DGKK: variants seen among roughly 807,000 people sequenced by gnomAD.
DGKK encodes the protein diacylglycerol kinase kappa.
DGKK carries 35 observed loss-of-function variants against 92.2 expected under a neutral mutation model. The observed-to-expected ratio is 0.38, with a 90% CI of 0.29 to 0.50. The LOEUF (loss-of-function observed/expected upper bound fraction) is 0.50, where lower values mean the gene tolerates loss of function less well. Among genes scored for constraint, DGKK ranks in the 20% least tolerant of loss-of-function variants. DGKK has a pLI of 0.92. For missense variants in DGKK, 910 were observed against 992.2 expected, an observed-to-expected ratio of 0.92 and a Z score of 1.11; for synonymous variants, 368 against 360.6, an observed-to-expected ratio of 1.02 and a Z score of -0.23.
chrX:50,369,550 CTCCCTCCT>C (rs1451169378), intron 27 of DGKK, among the ~76,000 whole-genome samples: 2 of 104,522 alleles, frequency 1.9e-5, no homozygotes, highest in Non-Finnish European at 3.9e-5. Flanking sequence ...CCCTCCCTGC[CTCCCTCCT>C]TCCCTCCTTC....
intron 1 of DGKK, among the ~76,000 whole-genome samples, chrX:50,445,379 G>C (rs1368700700): frequency 9.0e-6 from 1 of 110,734 alleles, no homozygotes; most frequent in Non-Finnish European, 1.9e-5. Flanking sequence ...GAATGGTATT[G>C]CCTAGTTTGT....
In DGKK at chrX:50,378,697, G is replaced by A. The variant is rs782755784; in HGVS notation, c.2863-6C>T. 1.5e-5 allele frequency: 17 copies of A among 1,171,761 alleles called. No individual in the cohort carries two copies. The highest frequency in any genetic ancestry group is 3.7e-5 in the South Asian group (2 of 54,072). ...ATTGCAGGAGCCTCATATTCCTGAG[G>A]AGGAAGAACTGTGTCACATCTCCCA... On this transcript the variant is annotated splice_polypyrimidine_tract_variant and splice_region_variant and intron_variant, in intron 20 of 27. Transcript: ENST00000611977.
At chrX:50,424,953 T>C (rs1925696235) in intron 1 of DGKK, among the ~76,000 whole-genome samples, 1 of 112,221 alleles carries the variant, frequency 8.9e-6, no homozygotes, top group Non-Finnish European at 1.9e-5. Context: ...TTCTGATTAC[T>C]TTCTTTACAT....
At chrX:50,374,747 G>C (rs1370345917) in intron 25 of DGKK, among the ~76,000 whole-genome samples, 4 of 111,204 alleles carry the variant, frequency 3.6e-5, no homozygotes, top group Non-Finnish European at 7.5e-5. Flanking sequence ...TACCAAAGGA[G>C]AGGTTGAGAC....
chrX:50,435,918 T>C (rs1489153904), intron 1 of DGKK, among the ~76,000 whole-genome samples: 1 of 111,635 alleles, frequency 9.0e-6, no homozygotes, highest in Non-Finnish European at 1.9e-5. Context: ...GAGCCCTCAC[T>C]CAATTCCTAA....
intron 4 of DGKK, among the ~76,000 whole-genome samples, chrX:50,412,981 C>T: frequency 9.0e-6 from 1 of 110,879 alleles, no homozygotes; most frequent in East Asian, 2.8e-4. Context: ...ATTAGATTCT[C>T]ATAGGAGTGA....
chrX:50,451,910 T>A (rs1208265533), intron 1 of DGKK, among the ~76,000 whole-genome samples: 3 of 112,143 alleles, frequency 2.7e-5, no homozygotes, highest in Non-Finnish European at 5.6e-5. Context: ...TTATTCTGCA[T>A]AGGGCACTCA....
intron 19 of DGKK, 79 bp from the exon 20 acceptor site, chrX:50,379,813 G>C: frequency 4.2e-6 from 4 of 944,564 alleles, no homozygotes; most frequent in Non-Finnish European, 6.1e-6. Context: ...TGGGGAAAGG[G>C]CTCTGTCTTC....
At chrX:50,405,510 A>G (rs1185511125) in intron 4 of DGKK, among the ~76,000 whole-genome samples, 1 of 106,603 alleles carries the variant, frequency 9.4e-6, no homozygotes, top group Non-Finnish European at 1.9e-5. Context: ...TCTTTCTGAC[A>G]TCAGTTGACA....
intron 1 of DGKK, among the ~76,000 whole-genome samples, chrX:50,436,526 A>G (rs1926031875): frequency 8.9e-6 from 1 of 112,305 alleles, no homozygotes; most frequent in Admixed American, 9.4e-5. Flanking sequence ...AGAAGAAGGC[A>G]GATTTGGCAG....
chrX:50,429,674 G>T (rs1569544839), intron 1 of DGKK, among the ~76,000 whole-genome samples: 1 of 112,416 alleles, frequency 8.9e-6, no homozygotes, highest in Admixed American at 9.4e-5. Flanking sequence ...GGAAGACAGC[G>T]CAAGACTCCG....
In DGKK at chrX:50,418,073, C is replaced by T. The variant is rs1229939331; in HGVS notation, c.942+2330G>A. Among the ~76,000 whole-genome samples, 3 of 111,533 alleles carry T rather than the reference C, an allele frequency of 2.7e-5. No individual in the cohort carries two copies. In the Admixed American group the frequency reaches 2.9e-4, roughly 11 times the overall value. On this transcript the variant is annotated intron_variant, in intron 4 of 27. Transcript: ENST00000611977. ...TCCCACTGCCCCTAATTCCCTGCCA[C>T]CAATAAAATACAATCTATCTTTCAA...
intron 3 of DGKK, 127 bp downstream of exon 3, chrX:50,422,319 A>G (rs1286629769): frequency 2.1e-6 from 1 of 473,639 alleles, no homozygotes; most frequent in African/African-American, 2.5e-5. Context: ...TGCATGAATG[A>G]TAACACTTTG....
Position 50,377,853 on chromosome X carries a change from A to G in DGKK, c.3111+245T>C, listed in dbSNP as rs781879454. ...GGACAGTGTTTGCAAATGTCAGTAT[A>G]TATCAGAGTGTCTTGAGGAGCCTGT... On this transcript the variant is annotated intron_variant, in intron 22 of 27. Transcript: ENST00000611977. 3.6e-5 allele frequency among the ~76,000 whole-genome samples: 4 copies of G among 111,616 alleles called. No homozygotes were observed. The Admixed American group carries it at 3.8e-4, about 11-fold the overall frequency.
At chrX:50,380,224 G>A (rs1040351319) in intron 18 of DGKK, 147 bp from the exon 19 acceptor site, 3 of 461,200 alleles carry the variant, frequency 6.5e-6, no homozygotes, top group Admixed American at 3.6e-5. Context: ...AGCGGTTAAT[G>A]TAACTGATAT....
intron 1 of DGKK, among the ~76,000 whole-genome samples, chrX:50,453,605 GGAAACAAAACT>G (rs1926541812): frequency 9.0e-6 from 1 of 111,321 alleles, no homozygotes; most frequent in Admixed American, 9.6e-5. Flanking sequence ...GACATATACA[GGAAACAAAACT>G]GAGACTGAAA....
intron 1 of DGKK, among the ~76,000 whole-genome samples, chrX:50,446,402 AT>A (rs1327825101): frequency 5.4e-5 from 6 of 110,902 alleles, no homozygotes; most frequent in Admixed American, 1.9e-4. Context: ...TTACTTTTTT[AT>A]TTTGGCCATT....
chrX:50,380,798 G>A (rs188350299), intron 18 of DGKK, among the ~76,000 whole-genome samples: 5 of 111,705 alleles, frequency 4.5e-5, no homozygotes, highest in Non-Finnish European at 7.5e-5. Context: ...ACAGAAATGA[G>A]CCATCATCAC....
chrX:50,369,313 A>G (rs1288446609), intron 27 of DGKK, among the ~76,000 whole-genome samples: 1 of 111,449 alleles, frequency 9.0e-6, no homozygotes, highest in Non-Finnish European at 1.9e-5. Context: ...TTAAGGAATC[A>G]AACCAGTTCG....
Sources: allele counts gnomAD v4.1 joint callset (sites outside exome capture counted in the v4.1 genomes callset), GRCh38; gene constraint gnomAD v4.1.1; transcripts MANE v1.5; gene names NCBI Gene and HGNC (gene_info 2026-07-23, HGNC 2026-07-21).